Variants in ADAM12 observed in about 807,000 individuals in gnomAD.
ADAM12 encodes the protein ADAM metallopeptidase domain 12, also known as disintegrin and metalloproteinase domain-containing protein 12.
ADAM12 carries 70 observed loss-of-function variants against 106.4 expected under a neutral mutation model. The observed-to-expected ratio is 0.66, with a 90% CI of 0.54 to 0.80. ADAM12 has a LOEUF of 0.80. Ranked by LOEUF, ADAM12 falls within the 30% of genes least tolerant of loss-of-function variation. ADAM12 has a pLI of 0.00. For synonymous variants in ADAM12, 420 were observed against 433.5 expected, an observed-to-expected ratio of 0.97 and a Z score of 0.39; for missense variants, 1,010 against 1,171.9, an observed-to-expected ratio of 0.86 and a Z score of 2.02.
In ADAM12 at chr10:126,035,225, T is replaced by TATG. The variant is rs901295457; in HGVS notation, c.2529+918_2529+920dup. ...GAGTTCTGAAAAAATATTTTTATATTATGAGGCTTAAAATGGTCATACAAT... is the reference window on the plus strand; with the variant it reads ...GAGTTCTGAAAAAATATTTTTATATTATGATGAGGCTTAAAATGGTCATACAAT... On this transcript the variant is annotated intron_variant, in intron 21 of 22. Transcript: ENST00000448723. Among the ~76,000 whole-genome samples, 8 of 152,140 alleles carry TATG rather than the reference T, an allele frequency of 5.3e-5. 1 individual carries two copies. Among genetic ancestry groups the TATG allele is most frequent in the African/African-American group, 1.7e-4 (7 of 41,442 alleles).
At chr10:126,147,708 C>T (rs1270164900) in intron 4 of ADAM12, among the ~76,000 whole-genome samples, 4 of 152,204 alleles carry the variant, frequency 2.6e-5, no homozygotes, top group African/African-American at 7.2e-5. Context: ...ATTAGGGCCC[C>T]GTGGCCTTTC....
At chr10:126,039,741 C>T (rs980738392) in intron 18 of ADAM12, among the ~76,000 whole-genome samples, 6 of 152,216 alleles carry the variant, frequency 3.9e-5, no homozygotes, top group Non-Finnish European at 8.8e-5. Context: ...ATGGTAGCCA[C>T]AGAAGGTAGC....
chr10:126,019,613 C>T (rs1241409554), intron 22 of ADAM12, 82 bp downstream of exon 22: 7 of 1,544,000 alleles, frequency 4.5e-6, no homozygotes, highest in African/African-American at 1.4e-5. Flanking sequence ...ACCACTGCAC[C>T]CCTGTCCTGG....
In ADAM12 at chr10:126,388,378, G is replaced by A. The variant is rs1856759567; in HGVS notation, c.-233C>T. On this transcript the variant is annotated 5_prime_UTR_variant, in exon 1 of 23. Transcript: ENST00000448723. The surrounding 1 kb of genome is among the most constrained non-coding windows in gnomAD (Gnocchi z 4.4). ...TGCGTGCGCGCGCGCGCGCCGTTCT[G>A]GCACAAGCCAGCCTTGACCGTTGCA... 1 of 443,674 alleles carries A rather than the reference G, an allele frequency of 2.3e-6. No individual in the cohort carries two copies. The highest frequency in any genetic ancestry group is 1.1e-4 in the South Asian group (1 of 8,734). The allele number at this position is 443,674 out of a possible 1,614,324, so 27.5% of individuals were successfully genotyped here. A position where few individuals can be genotyped will look rare whatever the true frequency, so the allele number is the denominator to read the frequency against.
chr10:126,378,009 T>C (rs140196580), intron 1 of ADAM12, among the ~76,000 whole-genome samples: 144 of 152,046 alleles, frequency 9.5e-4, no homozygotes, highest in African/African-American at 3.4e-3. Context: ...CATGAGTAAA[T>C]AAAGATAAAT....
At chr10:126,022,330 A>C (rs1953783944) in intron 21 of ADAM12, among the ~76,000 whole-genome samples, 1 of 152,180 alleles carries the variant, frequency 6.6e-6, no homozygotes, top group Non-Finnish European at 1.5e-5. Context: ...CTGACCTCCA[A>C]CCTGGGGATC....
chr10:126,198,600 C>T (rs1483522747), intron 3 of ADAM12, among the ~76,000 whole-genome samples: 2 of 152,224 alleles, frequency 1.3e-5, no homozygotes, highest in Non-Finnish European at 2.9e-5. Flanking sequence ...CAGCACCTCC[C>T]CTGCTGCTCC....
At chr10:126,132,750 A>T (rs1030020089) in intron 5 of ADAM12, among the ~76,000 whole-genome samples, 2 of 151,994 alleles carry the variant, frequency 1.3e-5, no homozygotes, top group Non-Finnish European at 2.9e-5. Context: ...TGACCTGTCC[A>T]TCGTCACACA....
intron 6 of ADAM12, among the ~76,000 whole-genome samples, chr10:126,112,901 T>C (rs1955897255): frequency 6.6e-6 from 1 of 152,046 alleles, no homozygotes; most frequent in African/African-American, 2.4e-5. Context: ...CCCAGTGTCT[T>C]CCTGAAACTC....
chr10:126,157,838 C>T (rs982725939), intron 3 of ADAM12, among the ~76,000 whole-genome samples: 24 of 115,520 alleles, frequency 2.1e-4, no homozygotes, highest in Non-Finnish European at 4.0e-4. Flanking sequence ...GGCCCTGTCA[C>T]GCAGTCATGA....
intron 3 of ADAM12, among the ~76,000 whole-genome samples, chr10:126,262,639 A>G (rs930005183): frequency 1.2e-4 from 18 of 152,218 alleles, no homozygotes; most frequent in African/African-American, 3.1e-4. Context: ...ATAAACACCC[A>G]TGTCCTCATC....
chr10:126,234,992 A>G (rs568423590), intron 3 of ADAM12, among the ~76,000 whole-genome samples: 1 of 152,264 alleles, frequency 6.6e-6, no homozygotes, highest in African/African-American at 2.4e-5. Flanking sequence ...GCAGGTGGGG[A>G]GTTGAGACAG....
At chr10:126,029,778 T>G (rs1292980662) in intron 21 of ADAM12, among the ~76,000 whole-genome samples, 1 of 152,268 alleles carries the variant, frequency 6.6e-6, no homozygotes, top group African/African-American at 2.4e-5. Flanking sequence ...AAAAGGTATT[T>G]CATCTCACTA....
At chr10:126,158,314 G>GGATGCACAGAGCACAGGGA (rs1956857740) in intron 3 of ADAM12, among the ~76,000 whole-genome samples, 1 of 83,946 alleles carries the variant, frequency 1.2e-5, no homozygotes, top group Non-Finnish European at 2.6e-5. Context: ...GAGCACAGGG[G>GGATGCACAGAGCACAGGGA]GAGGCACAGA....
chr10:126,115,498 G>C (rs1277781472), intron 6 of ADAM12, among the ~76,000 whole-genome samples: 4 of 152,116 alleles, frequency 2.6e-5, no homozygotes, highest in Non-Finnish European at 5.9e-5. Flanking sequence ...GGCAGCCTGG[G>C]TTCTCACTAA....
chr10:126,223,719 A>G (rs950293436), intron 3 of ADAM12, among the ~76,000 whole-genome samples: 1 of 152,196 alleles, frequency 6.6e-6, no homozygotes, highest in African/African-American at 2.4e-5. Context: ...GCAGGACAGA[A>G]GCACTGTGGC....
At chr10:126,032,987 TAACTA>T (rs1184587621) in intron 21 of ADAM12, among the ~76,000 whole-genome samples, 15 of 152,154 alleles carry the variant, frequency 9.9e-5, no homozygotes, top group Non-Finnish European at 1.5e-4. Context: ...CAAAAAATCA[TAACTA>T]AAATTACATT....
intron 2 of ADAM12, among the ~76,000 whole-genome samples, chr10:126,319,635 C>G (rs1854027632): frequency 6.6e-6 from 1 of 152,106 alleles, no homozygotes; most frequent in Non-Finnish European, 1.5e-5. Context: ...AATGTGAGGT[C>G]CCAGATGAAC....
At chr10:126,109,611 A>G (rs1436741983) in intron 7 of ADAM12, among the ~76,000 whole-genome samples, 164 bp downstream of exon 7, 2 of 152,194 alleles carry the variant, frequency 1.3e-5, no homozygotes, top group Admixed American at 6.5e-5. Flanking sequence ...TTAATATTGT[A>G]TGCTTTATAA....
Sources: gnomAD v4.1 joint callset for allele counts (sites outside exome capture counted in the v4.1 genomes callset) on GRCh38, gnomAD v4.1.1 for gene constraint, Gnocchi (gnomAD v3.1) non-coding constraint, MANE v1.5 for transcripts, NCBI Gene and HGNC (gene_info 2026-07-23, HGNC 2026-07-21) for gene names.